Variants in ABCB11 observed in about 807,000 individuals in gnomAD.
ABCB11 encodes the protein bile salt export pump.
ABCB11 carries 95 observed loss-of-function variants against 148.0 expected under a neutral mutation model. That is an observed-to-expected ratio of 0.64 (90% CI 0.54 to 0.76). The LOEUF is 0.76. Ranked by LOEUF, ABCB11 falls within the 30% of genes least tolerant of loss-of-function variation. ABCB11 has a pLI of 0.00. For synonymous variants in ABCB11, 591 were observed against 555.4 expected, an observed-to-expected ratio of 1.06 and a Z score of -0.90; for missense variants, 1,523 against 1,617.8, an observed-to-expected ratio of 0.94 and a Z score of 1.01.
chr2:168,941,248 G>A (rs1692048598), intron 21 of ABCB11, among the ~76,000 whole-genome samples: 1 of 151,948 alleles, frequency 6.6e-6, no homozygotes, highest in South Asian at 2.1e-4. Flanking sequence ...CATTCTAGAT[G>A]CCATTAAGAA....
intron 19 of ABCB11, among the ~76,000 whole-genome samples, chr2:168,951,366 T>G (rs1692561050): frequency 6.6e-6 from 1 of 151,812 alleles, no homozygotes; most frequent in African/African-American, 2.4e-5. Flanking sequence ...TTAATGTTAT[T>G]AATTCTTCCA....
intron 19 of ABCB11, among the ~76,000 whole-genome samples, chr2:168,954,904 C>G (rs1692724871): frequency 6.6e-6 from 1 of 151,704 alleles, no homozygotes; most frequent in East Asian, 2.0e-4. Flanking sequence ...AGTCCCTTTA[C>G]TTAGTCCTAG....
intron 1 of ABCB11, among the ~76,000 whole-genome samples, chr2:169,021,541 A>G (rs1695539814): frequency 6.6e-6 from 1 of 152,164 alleles, no homozygotes; most frequent in Admixed American, 6.5e-5. Flanking sequence ...AAAAATTTAA[A>G]CACAACTTTA....
chr2:168,947,788 A>G (rs1692393945), intron 19 of ABCB11, among the ~76,000 whole-genome samples: 1 of 151,730 alleles, frequency 6.6e-6, no homozygotes, highest in Non-Finnish European at 1.5e-5. Context: ...TTTGGATTTC[A>G]TCACCTAGAT....
chr2:168,934,404 G>A (rs10208702), intron 23 of ABCB11, among the ~76,000 whole-genome samples: 7,390 of 152,036 alleles, frequency 0.049, 569 homozygotes, highest in African/African-American at 0.17. Flanking sequence ...CCCCCGACTC[G>A]CCCATATACA....
intron 19 of ABCB11, among the ~76,000 whole-genome samples, chr2:168,953,771 C>T (rs1692668833): frequency 6.6e-6 from 1 of 151,532 alleles, no homozygotes. Flanking sequence ...AACCTGCGTC[C>T]CATTCTATTC....
At chr2:168,964,819 G>C (rs1249336511) in intron 17 of ABCB11, among the ~76,000 whole-genome samples, 1 of 151,834 alleles carries the variant, frequency 6.6e-6, no homozygotes, top group Non-Finnish European at 1.5e-5. Context: ...CCTGCATTCA[G>C]ACATGCATGA....
intron 14 of ABCB11, chr2:168,970,501 T>C (rs1693537646): frequency 4.4e-6 from 3 of 688,080 alleles, no homozygotes; most frequent in Middle Eastern, 3.4e-4. Flanking sequence ...AAAATAAAAA[T>C]TGGTCACGGT....
At chr2:168,930,573 T>G (rs1691519695) in intron 25 of ABCB11, 92 bp downstream of exon 25, 1 of 1,092,576 alleles carries the variant, frequency 9.2e-7, no homozygotes, top group South Asian at 3.0e-5. Flanking sequence ...CATTTTAAAG[T>G]GAGTCTGGCA....
chr2:168,948,874 TTTTG>T (rs1461968883), intron 19 of ABCB11, among the ~76,000 whole-genome samples: 1 of 151,706 alleles, frequency 6.6e-6, no homozygotes, highest in South Asian at 2.1e-4. Context: ...ATGGACTTGA[TTTTG>T]TTTGTGGATT....
chr2:169,010,133 G>A (rs1367754912), intron 5 of ABCB11, among the ~76,000 whole-genome samples: 4 of 152,136 alleles, frequency 2.6e-5, no homozygotes, highest in Non-Finnish European at 5.9e-5. Flanking sequence ...CACCAGGGTT[G>A]GTTTCTGTGA....
intron 8 of ABCB11, 48 bp from the exon 9 acceptor site, chr2:168,990,973 G>A (rs1694499394): frequency 1.9e-6 from 3 of 1,596,196 alleles, no homozygotes; most frequent in Non-Finnish European, 2.6e-6. Flanking sequence ...AAGAAATTAG[G>A]TAAGTCAGTC....
chr2:168,947,649 GT>G (rs1230224446), intron 19 of ABCB11, among the ~76,000 whole-genome samples: 2 of 151,724 alleles, frequency 1.3e-5, no homozygotes, highest in African/African-American at 2.4e-5. Flanking sequence ...AGCATCATGA[GT>G]TTACTAATGA....
chr2:168,991,992 C>T (rs73018794), intron 8 of ABCB11, among the ~76,000 whole-genome samples: 4,553 of 151,394 alleles, frequency 0.03, 106 homozygotes, highest in African/African-American at 0.062. Flanking sequence ...CACATGCCAC[C>T]ATGCCTGGCT....
intron 17 of ABCB11, among the ~76,000 whole-genome samples, chr2:168,967,684 T>G (rs943539061): frequency 1.3e-5 from 2 of 151,796 alleles, no homozygotes; most frequent in Admixed American, 6.6e-5. Flanking sequence ...AAAAATCTTC[T>G]GACTTAAGAA....
Position 168,979,209 on chromosome 2 carries a change from G to A in ABCB11, c.1197+657C>T, listed in dbSNP as rs567561697. Among the ~76,000 whole-genome samples the A allele has an allele frequency of 1.2e-4, 19 of 152,192 alleles. No individual in the cohort carries two copies. The East Asian group carries it at 1.9e-3, about 15-fold the overall frequency. On this transcript the variant is annotated intron_variant, in intron 11 of 27. Coordinates refer to ENST00000650372, the MANE Select transcript of ABCB11 (RefSeq NM_003742.4). Reference sequence around the variant, plus strand: ...CACTCTATTCAGTTGCACTGGGCTTGTTTCAGCTTCTTTAAATCAGCAGCC... The same window carrying A: ...CACTCTATTCAGTTGCACTGGGCTTATTTCAGCTTCTTTAAATCAGCAGCC...
At chr2:168,946,804 T>C (rs1024622592) in intron 19 of ABCB11, among the ~76,000 whole-genome samples, 7 of 151,772 alleles carry the variant, frequency 4.6e-5, no homozygotes, top group Admixed American at 3.9e-4. Flanking sequence ...AATGCCTGTT[T>C]TTTGGCTTCT....
At chr2:169,026,739 A>T (rs1171093257) in intron 1 of ABCB11, among the ~76,000 whole-genome samples, 5 of 152,304 alleles carry the variant, frequency 3.3e-5, no homozygotes, top group Non-Finnish European at 2.9e-5. Flanking sequence ...CATACATCAG[A>T]TGCTGGAGGA....
rs1559183717 is a variant in ABCB11, at chr2:168,935,398, G to A, written c.2842C>T (p.Arg948Cys). ...TCCTTTCCAATTCCAGCAACAGTGCGGATGTTACTGAGGGCTTCATTTGTA... is the reference window on the plus strand; with the variant it reads ...TCCTTTCCAATTCCAGCAACAGTGCAGATGTTACTGAGGGCTTCATTTGTA... ...QITNEALSNI[R>C]TVAGIGKERR... The change falls in exon 23 of 28, where the codon CGC (arginine) becomes TGC (cysteine). Residue 948 changes from arginine to cysteine, a missense_variant. Arg to Cys is a radical substitution (Grantham distance 180). Coordinates refer to ENST00000650372, the MANE Select transcript of ABCB11 (RefSeq NM_003742.4). 10 of 1,613,756 alleles carry A rather than the reference G, an allele frequency of 6.2e-6. No individual in the cohort carries two copies. Among genetic ancestry groups the A allele is most frequent in the South Asian group, 2.2e-5 (2 of 91,058 alleles).
Sources: gnomAD v4.1 joint callset for allele counts (sites outside exome capture counted in the v4.1 genomes callset) on GRCh38, gnomAD v4.1.1 for gene constraint, MANE v1.5 for transcripts, NCBI Gene and HGNC (gene_info 2026-07-23, HGNC 2026-07-21) for gene names.